Variants in RADIL observed in about 807,000 individuals in gnomAD.
RADIL encodes the protein Rap associating with DIL domain, also known as ras-associating and dilute domain-containing protein.
A neutral mutation model predicts 97.6 loss-of-function variants in RADIL; 99 were observed. The ratio of observed to expected loss-of-function variants is 1.01; its 90% CI spans 0.86 to 1.20. The LOEUF (loss-of-function observed/expected upper bound fraction) is 1.20. Ranked by LOEUF, RADIL falls within the 50% of genes most tolerant of loss-of-function variation. The probability of loss-of-function intolerance (pLI) is 0.00; values close to 1 mark genes in which losing one functional copy is unlikely to be tolerated. For synonymous variants in RADIL, 803 were observed against 691.8 expected (o/e 1.16, Z -2.52); for missense variants, 1,765 against 1,498.9 (o/e 1.18, Z -2.93).
intron 5 of RADIL, among the ~76,000 whole-genome samples, chr7:4,829,513 G>C (rs532803294): frequency 2.0e-5 from 3 of 152,168 alleles, no homozygotes; most frequent in African/African-American, 7.2e-5. Context: ...ACATCAGCAG[G>C]CACATATGGC....
intron 5 of RADIL, among the ~76,000 whole-genome samples, chr7:4,831,519 C>G (rs952402570): frequency 1.9e-4 from 28 of 150,766 alleles, no homozygotes; most frequent in Non-Finnish European, 3.8e-4. Context: ...TGCACTCGTA[C>G]CCCTGAACTT....
At chr7:4,847,739 CAAAA>C (rs56177809) in intron 2 of RADIL, among the ~76,000 whole-genome samples, 47 of 23,798 alleles carry the variant, frequency 2.0e-3, no homozygotes, top group African/African-American at 4.8e-3. Context: ...AAGCTAGATG[CAAAA>C]AAAAAAAAAA....
chr7:4,865,285 T>C (rs1296814101), intron 2 of RADIL: 8 of 422,074 alleles, frequency 1.9e-5, no homozygotes. Flanking sequence ...TTATGACATT[T>C]TGGACAACAG....
At chr7:4,803,520 G>A (rs1443161850) in intron 11 of RADIL, 26 bp downstream of exon 11, 1 of 1,519,770 alleles carries the variant, frequency 6.6e-7, no homozygotes, top group South Asian at 1.2e-5. Context: ...GGGGCACGCT[G>A]GCTGGGGGGC....
rs373721573 is a variant in RADIL at position 4,805,699 on chromosome 7, C to A, written c.2157G>T (p.Leu719=). The A allele has an allele frequency of 2.0e-5, 33 of 1,609,880 alleles. No homozygotes were observed. In the African/African-American group the frequency reaches 4.4e-4, roughly 21 times the overall value. The change falls in exon 10 of 15, where the codon CTG becomes CTT. Residue 719 remains leucine (L), a synonymous_variant. Coordinates refer to ENST00000399583, the MANE Select transcript of RADIL (RefSeq NM_018059.5). ...AQLIQMSWTA[L]RAAFPALSPA... ...GGCTCAGTGCGGGGAACGCAGCCCG[C>A]AGGGCTGTCCAGCTCATCTGGGTGA...
intron 2 of RADIL, among the ~76,000 whole-genome samples, chr7:4,850,539 A>T (rs568832874): frequency 6.6e-6 from 1 of 152,272 alleles, no homozygotes; most frequent in Admixed American, 6.5e-5. Context: ...CACGGAAGAG[A>T]AGTCAGAGAG....
Position 4,799,341 on chromosome 7 carries a change from C to T in RADIL, c.*37G>A, listed in dbSNP as rs372420240. The T allele has an allele frequency of 5.1e-5, 81 of 1,599,190 alleles. No individual in the cohort carries two copies. The highest frequency in any genetic ancestry group is 1.3e-4 in the Admixed American group (8 of 59,880). ...GAAGCCCAGTGTCACCAGGTGGGACCGGGTGCCGGGCCTGTGGGGGTGTCC... is the reference window on the plus strand; with the variant it reads ...GAAGCCCAGTGTCACCAGGTGGGACTGGGTGCCGGGCCTGTGGGGGTGTCC... On this transcript the variant is annotated 3_prime_UTR_variant, in exon 15 of 15. Coordinates refer to ENST00000399583, the MANE Select transcript of RADIL (RefSeq NM_018059.5).
rs954778954 is a variant in RADIL, at chr7:4,878,370, C to T, written c.-64-167G>A. Among the ~76,000 whole-genome samples the T allele has an allele frequency of 2.0e-5, 3 of 152,022 alleles. No homozygotes were observed. Among genetic ancestry groups the T allele is most frequent in the Non-Finnish European group, 2.9e-5 (2 of 68,016 alleles). Reference sequence around the variant, plus strand: ...ACCAGCCTGGGAAACATAGTAAGGCCCCGGCTCTACAAAAAATTTAAAAAT... The same window carrying T: ...ACCAGCCTGGGAAACATAGTAAGGCTCCGGCTCTACAAAAAATTTAAAAAT... On this transcript the variant is annotated intron_variant, in intron 1 of 14. Coordinates refer to ENST00000399583, the MANE Select transcript of RADIL (RefSeq NM_018059.5). The surrounding 1 kb of genome is among the most constrained non-coding windows in gnomAD (Gnocchi z 4.1).
chr7:4,839,379 G>A (rs540147494), intron 2 of RADIL, among the ~76,000 whole-genome samples: 53 of 151,878 alleles, frequency 3.5e-4, no homozygotes, highest in African/African-American at 1.1e-3. Context: ...TTTTTAATTC[G>A]CTGAGAATTC....
chr7:4,856,084 C>T (rs529945668), intron 2 of RADIL, among the ~76,000 whole-genome samples: 1 of 150,078 alleles, frequency 6.7e-6, no homozygotes, highest in South Asian at 2.1e-4. Context: ...GCTTGGCTTA[C>T]AAGCATGAAC....
At chr7:4,802,038 G>A in intron 11 of RADIL, 43 bp from the exon 12 acceptor site, 1 of 1,428,252 alleles carries the variant, frequency 7.0e-7, no homozygotes, top group Non-Finnish European at 9.3e-7. Context: ...GGAGTGGCCA[G>A]GTGGACACAG....
intron 2 of RADIL, chr7:4,861,550 G>A (rs750007541): frequency 1.1e-5 from 18 of 1,614,012 alleles, no homozygotes; most frequent in Non-Finnish European, 1.5e-5. Flanking sequence ...TTACAGACTG[G>A]GGAAGACTCT....
chr7:4,820,157 A>C (rs1170406348), intron 6 of RADIL, among the ~76,000 whole-genome samples: 2 of 152,238 alleles, frequency 1.3e-5, no homozygotes, highest in African/African-American at 4.8e-5. Flanking sequence ...CGGAAGGACC[A>C]AGTGCACTGC....
intron 2 of RADIL, among the ~76,000 whole-genome samples, chr7:4,856,102 T>C (rs1783823693): frequency 1.6e-5 from 2 of 122,074 alleles, no homozygotes; most frequent in African/African-American, 7.5e-5. Flanking sequence ...AACCACTGAA[T>C]CCAGCTTTTT....
At chr7:4,857,008 A>G (rs1783849349) in intron 2 of RADIL, among the ~76,000 whole-genome samples, 2 of 152,220 alleles carry the variant, frequency 1.3e-5, no homozygotes, top group South Asian at 4.1e-4. Context: ...CAGCCACTAC[A>G]CCGGACTGTG....
intron 6 of RADIL, among the ~76,000 whole-genome samples, chr7:4,820,230 C>A (rs2115194222): frequency 6.6e-6 from 1 of 152,316 alleles, no homozygotes; most frequent in African/African-American, 2.4e-5. Context: ...CCCAGGGCCA[C>A]CTGCCGGCTG....
rs561662650 is a variant in RADIL at position 4,815,868 on chromosome 7, A to G, written c.1966+360T>C. ...TCCACAAGGCAGGGTCCAAGGCCAG[A>G]GTCCGCGGCTGCACAGACCTGGGTT... On this transcript the variant is annotated intron_variant, in intron 8 of 14. Transcript: ENST00000399583. This position sits in a 1 kb window ranked among gnomAD's most constrained non-coding sequence, Gnocchi z 8.0. 5.9e-5 allele frequency among the ~76,000 whole-genome samples: 9 copies of G among 152,298 alleles called. No homozygotes were observed. Among genetic ancestry groups the G allele is most frequent in the African/African-American group, 1.9e-4 (8 of 41,578 alleles).
chr7:4,817,386 G>A lies in RADIL; in HGVS notation c.1616-35C>T, dbSNP rs780787378. 21 of 1,581,658 alleles carry A rather than the reference G, an allele frequency of 1.3e-5. No homozygotes were observed. The highest frequency in any genetic ancestry group is 1.7e-4 in the Middle Eastern group (1 of 5,864). On this transcript the variant is annotated intron_variant, in intron 6 of 14. Coordinates refer to ENST00000399583, the MANE Select transcript of RADIL (RefSeq NM_018059.5). The surrounding 1 kb of genome is among the most constrained non-coding windows in gnomAD (Gnocchi z 8.3). ...GACAGCCACGCCAATGGTCACAACGGGCACAGCGCTCAGGAACGCAGCAAC... is the reference window on the plus strand; with the variant it reads ...GACAGCCACGCCAATGGTCACAACGAGCACAGCGCTCAGGAACGCAGCAAC...
Position 4,865,634 on chromosome 7 carries a change from C to T in RADIL, c.535+11971G>A, listed in dbSNP as rs1378181687. On this transcript the variant is annotated intron_variant, in intron 2 of 14. Coordinates refer to ENST00000399583, the MANE Select transcript of RADIL (RefSeq NM_018059.5). ...CCTTTCGATGGTCACCACCCCTCCA[C>T]CAAGGTTCCCAGCTTTTCCATTCAC... The T allele has an allele frequency of 3.4e-6, 3 of 879,362 alleles. No individual in the cohort carries two copies. The African/African-American group carries it at 4.9e-5, about 14-fold the overall frequency. 54.5% of individuals were successfully genotyped at this position (879,362 alleles called of 1,614,324 possible).
Sources: gnomAD v4.1 joint callset for allele counts (sites outside exome capture counted in the v4.1 genomes callset) on GRCh38, gnomAD v4.1.1 for gene constraint, Gnocchi (gnomAD v3.1) non-coding constraint, MANE v1.5 for transcripts, NCBI Gene and HGNC (gene_info 2026-07-23, HGNC 2026-07-21) for gene names.